Variants in HERC2 observed in about 807,000 individuals in gnomAD.
HERC2 encodes E3 ubiquitin-protein ligase HERC2.
A neutral mutation model predicts 537.7 loss-of-function variants in HERC2; 102 were observed. That is an observed-to-expected ratio of 0.19 (90% CI 0.16 to 0.22). HERC2 has a LOEUF of 0.22. Among genes scored for constraint, HERC2 ranks in the 10% least tolerant of loss-of-function variants. The probability of loss-of-function intolerance (pLI) is 1.00; values close to 1 mark genes in which losing one functional copy is unlikely to be tolerated. For missense variants in HERC2, 4,236 were observed against 6,198.2 expected (o/e 0.68, Z 10.63); for synonymous variants, 2,224 against 2,466.2 (o/e 0.90, Z 2.91).
At chr15:28,305,708 C>T (rs11508649) in intron 2 of HERC2, among the ~76,000 whole-genome samples, 1 of 135,602 alleles carries the variant, frequency 7.4e-6, no homozygotes, top group Admixed American at 7.8e-5. Flanking sequence ...AGCTTCTGCA[C>T]AGCAAAAGAA....
chr15:28,281,939 G>C (rs1483030776), intron 4 of HERC2, among the ~76,000 whole-genome samples: 1 of 152,132 alleles, frequency 6.6e-6, no homozygotes, highest in Non-Finnish European at 1.5e-5. Flanking sequence ...AAAGCTCCAA[G>C]AGGGCAGCTC....
At chr15:28,292,122 G>A (rs1481366060) in intron 4 of HERC2, among the ~76,000 whole-genome samples, 10 of 150,676 alleles carry the variant, frequency 6.6e-5, no homozygotes, top group East Asian at 2.0e-4. Context: ...CCAGCTACTC[G>A]GGAGGATGAG....
intron 35 of HERC2, among the ~76,000 whole-genome samples, 176 bp from the exon 36 acceptor site, chr15:28,222,391 A>G (rs1900613050): frequency 6.6e-6 from 1 of 151,968 alleles, no homozygotes; most frequent in African/African-American, 2.4e-5. Flanking sequence ...AAGAAGATAA[A>G]CGGAAGGATG....
chr15:28,249,078 C>G (rs970438430), intron 20 of HERC2, among the ~76,000 whole-genome samples: 2 of 152,176 alleles, frequency 1.3e-5, no homozygotes, highest in Non-Finnish European at 2.9e-5. Flanking sequence ...AACATTAAGA[C>G]AACGAAATTT....
intron 78 of HERC2, among the ~76,000 whole-genome samples, chr15:28,139,831 T>C (rs532315696): frequency 1.3e-4 from 19 of 149,388 alleles, no homozygotes; most frequent in East Asian, 7.8e-4. Flanking sequence ...GAGGCCAAGG[T>C]GGTCGGATCA....
rs756223210 is a variant in HERC2 at position 28,116,882 on chromosome 15, C to T, written c.13415-23G>A. On this transcript the variant is annotated intron_variant, in intron 87 of 92. Coordinates refer to ENST00000261609, the MANE Select transcript of HERC2 (RefSeq NM_004667.6). The stretch of plus-strand genomic sequence containing the variant: ...CACCTGCAGGGGAGAAGCAGCCACT[C>T]GAAGTCCCCTCACACAGTCCTGTGT... The T allele has an allele frequency of 1.1e-5, 17 of 1,607,558 alleles. No homozygotes were observed. The Middle Eastern group carries it at 5.0e-4, about 47-fold the overall frequency.
intron 15 of HERC2, among the ~76,000 whole-genome samples, chr15:28,262,494 C>A (rs2075440878): frequency 6.6e-6 from 1 of 152,172 alleles, no homozygotes; most frequent in South Asian, 2.1e-4. Flanking sequence ...AGGATGAGTT[C>A]ACATGAGGGT....
chr15:28,255,717 T>G (rs554654767), intron 19 of HERC2, among the ~76,000 whole-genome samples, 155 bp downstream of exon 19: 1 of 152,366 alleles, frequency 6.6e-6, no homozygotes, highest in Admixed American at 6.5e-5. Flanking sequence ...CTCAATAATT[T>G]TGTAAATTGG....
At position 28,113,295 on chromosome 15, in the gene HERC2, T is replaced by A; in HGVS notation, c.14020-12A>T. ...GGGCTGCCACACACCTGCGGGAGGA[T>A]GTCTGTCAGGGCCGCGTGATGCTTC... On this transcript the variant is annotated splice_polypyrimidine_tract_variant and intron_variant, in intron 91 of 92. Transcript: ENST00000261609. This position sits in a 1 kb window ranked among gnomAD's most constrained non-coding sequence, Gnocchi z 7.0. 6.2e-7 allele frequency: 1 copy of A among 1,613,274 alleles called. No homozygotes were observed. Among genetic ancestry groups the A allele is most frequent in the Non-Finnish European group, 8.5e-7 (1 of 1,179,408 alleles).
intron 9 of HERC2, among the ~76,000 whole-genome samples, chr15:28,271,175 C>A (rs1015518225): frequency 3.9e-5 from 6 of 152,184 alleles, no homozygotes; most frequent in African/African-American, 1.2e-4. Flanking sequence ...GCCTAGGACC[C>A]CTGGAGAAAG....
chr15:28,236,045 C>T (rs551683059), intron 26 of HERC2, among the ~76,000 whole-genome samples: 2 of 152,178 alleles, frequency 1.3e-5, no homozygotes, highest in Admixed American at 6.5e-5. Context: ...CCTGAGAGGA[C>T]AGCTGATCCA....
intron 44 of HERC2, among the ~76,000 whole-genome samples, chr15:28,206,799 C>G (rs1459696541): frequency 7.5e-6 from 1 of 132,736 alleles, no homozygotes; most frequent in African/African-American, 2.8e-5. Flanking sequence ...TGCCACTGCA[C>G]TCCAGCCTGG....
rs370633840 is a variant in HERC2 at position 28,189,365 on chromosome 15, T to C, written c.8649+1600A>G. 3.3e-5 allele frequency among the ~76,000 whole-genome samples: 5 copies of C among 152,340 alleles called. No homozygotes were observed. The East Asian group carries it at 9.6e-4, about 29-fold the overall frequency. On this transcript the variant is annotated intron_variant, in intron 55 of 92. Coordinates refer to ENST00000261609, the MANE Select transcript of HERC2 (RefSeq NM_004667.6). ...CTCCATTGTTGATTTAATTACTTAG[T>C]TTCTGGTTTGGCTAAAGTAAAAACA...
At chr15:28,241,729 G>A (rs1227917659) in intron 23 of HERC2, among the ~76,000 whole-genome samples, 1 of 151,946 alleles carries the variant, frequency 6.6e-6, no homozygotes, top group African/African-American at 2.4e-5. Context: ...CTGAGGCAGG[G>A]GAATTGCTTG....
intron 66 of HERC2, among the ~76,000 whole-genome samples, chr15:28,169,122 A>G (rs1894444611): frequency 6.6e-6 from 1 of 152,250 alleles, no homozygotes; most frequent in Non-Finnish European, 1.5e-5. Context: ...AAAATGCCGC[A>G]CTGGCAAAAC....
chr15:28,244,666 ATAG>A (rs1903480977), intron 23 of HERC2, among the ~76,000 whole-genome samples: 1 of 152,216 alleles, frequency 6.6e-6, no homozygotes, highest in Non-Finnish European at 1.5e-5. Flanking sequence ...CAACAGTATG[ATAG>A]TAGAGAGACA....
intron 10 of HERC2, 76 bp from the exon 11 acceptor site, chr15:28,269,512 T>C (rs1264018589): frequency 1.7e-6 from 2 of 1,171,276 alleles, no homozygotes; most frequent in African/African-American, 3.1e-5. Context: ...ACTGAGCTAC[T>C]ACAAAATAAA....
At chr15:28,259,659 C>T (rs1197926917) in intron 16 of HERC2, among the ~76,000 whole-genome samples, 5 of 151,818 alleles carry the variant, frequency 3.3e-5, no homozygotes, top group East Asian at 1.9e-4. Context: ...TTTTGCAATA[C>T]AGAAACAGAA....
At chr15:28,294,325 AG>A (rs1483682006) in intron 3 of HERC2, among the ~76,000 whole-genome samples, 2 of 151,352 alleles carry the variant, frequency 1.3e-5, no homozygotes, top group African/African-American at 2.4e-5. Context: ...GGCAGACTGA[AG>A]AATCTGCACA....
Sources: allele counts gnomAD v4.1 joint callset (sites outside exome capture counted in the v4.1 genomes callset), GRCh38; gene constraint gnomAD v4.1.1; non-coding constraint Gnocchi (gnomAD v3.1); transcripts MANE v1.5; gene names NCBI Gene and HGNC (gene_info 2026-07-23, HGNC 2026-07-21).